Variants in PUM2 observed in about 807,000 individuals in gnomAD.
The protein encoded by PUM2 is pumilio RNA binding family member 2, also known as pumilio homolog 2.
In PUM2, 57 loss-of-function variants were observed where a neutral mutation model predicts 124.5. The ratio of observed to expected loss-of-function variants is 0.46; its 90% CI spans 0.37 to 0.57. The LOEUF (loss-of-function observed/expected upper bound fraction) is 0.57. Among genes scored for constraint, PUM2 ranks in the 20% least tolerant of loss-of-function variants. PUM2 has a pLI of 0.00. For synonymous variants in PUM2, 460 were observed against 446.1 expected (o/e 1.03, Z -0.39); for missense variants, 1,065 against 1,290.6 (o/e 0.83, Z 2.68).
intron 1 of PUM2, among the ~76,000 whole-genome samples, chr2:20,348,716 G>T (rs556907173): frequency 2.0e-5 from 3 of 152,350 alleles, no homozygotes; most frequent in South Asian, 2.1e-4. Context: ...GATCGCTTGA[G>T]ATCGGAGTTC....
intron 1 of PUM2, among the ~76,000 whole-genome samples, chr2:20,348,388 T>C (rs1688658814): frequency 6.6e-6 from 1 of 152,280 alleles, no homozygotes; most frequent in South Asian, 2.1e-4. Context: ...TACAAGTATT[T>C]CCATATCCTG....
chr2:20,336,754 G>C (rs1207202481), intron 1 of PUM2, among the ~76,000 whole-genome samples: 6 of 13,776 alleles, frequency 4.4e-4, no homozygotes, highest in African/African-American at 7.4e-4. Flanking sequence ...TGATCTGTGT[G>C]TGTGTGTGTG....
chr2:20,350,435 T>C (rs1325406096), intron 1 of PUM2, 162 bp downstream of exon 1: 40 of 926,012 alleles, frequency 4.3e-5, no homozygotes, highest in Middle Eastern at 1.1e-3. Context: ...TCCCCCTGCA[T>C]TGTGCGAGCG....
At chr2:20,290,410 T>C (rs1220973190) in intron 10 of PUM2, among the ~76,000 whole-genome samples, 1 of 152,188 alleles carries the variant, frequency 6.6e-6, no homozygotes, top group Non-Finnish European at 1.5e-5. Context: ...TATAAAAAAA[T>C]GGCTGTGTTG....
chr2:20,324,668 T>A (rs1683239334), intron 2 of PUM2, among the ~76,000 whole-genome samples: 1 of 152,170 alleles, frequency 6.6e-6, no homozygotes, highest in African/African-American at 2.4e-5. Flanking sequence ...AATCAGTAGG[T>A]CTTTCGACAG....
At chr2:20,253,258 T>G (rs746968948) in intron 20 of PUM2, among the ~76,000 whole-genome samples, 43 of 152,124 alleles carry the variant, frequency 2.8e-4, no homozygotes, top group Non-Finnish European at 4.3e-4. Context: ...CAGACTGGAG[T>G]GCACTGGCAT....
intron 2 of PUM2, among the ~76,000 whole-genome samples, chr2:20,320,820 T>C (rs1259939674): frequency 1.3e-5 from 2 of 152,082 alleles, no homozygotes; most frequent in African/African-American, 4.8e-5. Context: ...CTTGATATAT[T>C]TAAATAATAG....
At chr2:20,248,696 T>A (rs1662567174), downstream of PUM2, 1 of 152,644 alleles carries the variant, frequency 6.6e-6, no homozygotes, top group Non-Finnish European at 1.5e-5. Context: ...ATAACTGAGG[T>A]ACAGAGGGGT....
At chr2:20,296,120 C>G (rs1003713374) in intron 8 of PUM2, among the ~76,000 whole-genome samples, 5 of 152,188 alleles carry the variant, frequency 3.3e-5, no homozygotes, top group Non-Finnish European at 7.3e-5. Context: ...CTAATGACAG[C>G]TTAGTTTCAT....
upstream of PUM2, among the ~76,000 whole-genome samples, chr2:20,351,776 C>A (rs561512495): frequency 6.6e-6 from 1 of 152,290 alleles, no homozygotes; most frequent in South Asian, 2.1e-4. Flanking sequence ...TTCAGGGCCT[C>A]CCGTATAGTT....
At chr2:20,314,977 A>G (rs80100281) in intron 3 of PUM2, among the ~76,000 whole-genome samples, 4 of 143,648 alleles carry the variant, frequency 2.8e-5, no homozygotes, top group South Asian at 4.4e-4. Context: ...AAATTTAAGG[A>G]AAAAAAAAAA....
chr2:20,280,644 A>G (rs1454797970), intron 12 of PUM2, among the ~76,000 whole-genome samples: 1 of 152,206 alleles, frequency 6.6e-6, no homozygotes, highest in Admixed American at 6.5e-5. Context: ...GTCAAGCCAA[A>G]CATTTAAAAA....
intron 2 of PUM2, among the ~76,000 whole-genome samples, chr2:20,322,076 C>G (rs1682515323): frequency 1.3e-5 from 2 of 151,982 alleles, no homozygotes; most frequent in Admixed American, 1.3e-4. Flanking sequence ...CCTAAACCAA[C>G]CAAATAAACA....
At chr2:20,254,327 A>AT (rs35907717) in intron 19 of PUM2, among the ~76,000 whole-genome samples, 1 of 151,902 alleles carries the variant, frequency 6.6e-6, no homozygotes, top group East Asian at 1.9e-4. Context: ...CGCCTGGATA[A>AT]TTTTTTGTAG....
At chr2:20,297,991 T>C (rs1258521246) in intron 7 of PUM2, among the ~76,000 whole-genome samples, 2 of 152,312 alleles carry the variant, frequency 1.3e-5, no homozygotes, top group East Asian at 1.9e-4. Flanking sequence ...CTGCACAGTA[T>C]GTATTAGCAT....
chr2:20,350,891 A>AG (rs1352720895), upstream of PUM2: 11 of 621,408 alleles, frequency 1.8e-5, no homozygotes, highest in South Asian at 2.3e-4. Flanking sequence ...GAGAAAGGGG[A>AG]GGGGGAGCGC....
At chr2:20,334,743 C>T (rs1685629269) in intron 1 of PUM2, among the ~76,000 whole-genome samples, 1 of 152,144 alleles carries the variant, frequency 6.6e-6, no homozygotes, top group Admixed American at 6.5e-5. Flanking sequence ...AAGACATTTA[C>T]CAACACAAAA....
At chr2:20,256,753 A>G (rs895413119) in intron 16 of PUM2, among the ~76,000 whole-genome samples, 5 of 152,110 alleles carry the variant, frequency 3.3e-5, no homozygotes, top group South Asian at 2.1e-4. Flanking sequence ...CTCTTATAAT[A>G]AAGTGCTTAT....
At chr2:20,332,856 A>G (rs1258696390) in intron 1 of PUM2, 1 of 152,196 alleles carries the variant, frequency 6.6e-6, no homozygotes, top group East Asian at 1.9e-4. Context: ...ATTCAGGAGT[A>G]TGGCACCATG....
Sources: allele counts gnomAD v4.1 joint callset (sites outside exome capture counted in the v4.1 genomes callset), GRCh38; gene constraint gnomAD v4.1.1; transcripts MANE v1.5; gene names NCBI Gene and HGNC (gene_info 2026-07-23, HGNC 2026-07-21).